DUSP15: variants seen among roughly 807,000 people sequenced by gnomAD.
DUSP15 encodes the protein dual specificity protein phosphatase 15.
In DUSP15, 23 loss-of-function variants were observed where a neutral mutation model predicts 26.3. The observed-to-expected ratio is 0.87, with a 90% CI of 0.63 to 1.24. DUSP15 has a LOEUF of 1.24. Ranked by LOEUF, DUSP15 falls within the 50% of genes most tolerant of loss-of-function variation. The probability of loss-of-function intolerance (pLI) is 0.00; values close to 1 mark genes in which losing one functional copy is unlikely to be tolerated. For missense variants in DUSP15, 364 were observed against 320.6 expected (o/e 1.14, Z -1.03); for synonymous variants, 143 against 135.5 (o/e 1.06, Z -0.39).
chr20:31,870,134 A>G lies in DUSP15; in HGVS notation c.21+183T>C. ...GAGAGGGCGGACACAGCGGGGACAG[A>G]GACGCAGGGTCAGAGAGGGGGAGAC... is the stretch of plus-strand genomic sequence containing the variant. On this transcript the variant is annotated intron_variant, in intron 1 of 6. Coordinates refer to ENST00000339738, the MANE Select transcript of DUSP15 (RefSeq NM_080611.5). The surrounding 1 kb of genome is among the most constrained non-coding windows in gnomAD (Gnocchi z 6.6). 1 of 1,236,088 alleles carries G rather than the reference A, an allele frequency of 8.1e-7. No homozygotes were observed. The highest frequency in any genetic ancestry group is 3.2e-5 in the East Asian group (1 of 31,230). The allele number at this position is 1,236,088 out of a possible 1,614,324, so 76.6% of individuals were successfully genotyped here.
At chr20:31,862,964 A>C (rs2062692677) in intron 5 of DUSP15, among the ~76,000 whole-genome samples, 2 of 152,142 alleles carry the variant, frequency 1.3e-5, no homozygotes, top group Non-Finnish European at 2.9e-5. Flanking sequence ...GTGAAACACC[A>C]TTCATTCAGT....
chr20:31,862,759 C>T lies in DUSP15; in HGVS notation c.264-17G>A, dbSNP rs199599957. 3 of 1,580,666 alleles carry T rather than the reference C, an allele frequency of 1.9e-6. No homozygotes were observed. The highest frequency in any genetic ancestry group is 2.7e-5 in the African/African-American group (2 of 74,570). On this transcript the variant is annotated splice_polypyrimidine_tract_variant and intron_variant, in intron 5 of 6. Coordinates refer to ENST00000339738, the MANE Select transcript of DUSP15 (RefSeq NM_080611.5). The stretch of plus-strand genomic sequence containing the variant: ...CCTGCAAAGCTGGGATCCCCAACAA[C>T]CCCTCAGGCTTCAAGTAAGATCCAA...
chr20:31,856,460 C>A (rs1163490722), downstream of DUSP15, among the ~76,000 whole-genome samples: 1 of 152,024 alleles, frequency 6.6e-6, no homozygotes, highest in Non-Finnish European at 1.5e-5. Flanking sequence ...ATGGGGGAAG[C>A]AGGAAGCCCA....
At chr20:31,870,599 G>A, upstream of DUSP15, 2 of 1,385,590 alleles carry the variant, frequency 1.4e-6, no homozygotes, top group South Asian at 3.3e-5. This position sits in a 1 kb window ranked among gnomAD's most constrained non-coding sequence, Gnocchi z 6.6. Context: ...TGGGGCCCCC[G>A]CCTCGGGTCG....
intron 6 of DUSP15, among the ~76,000 whole-genome samples, chr20:31,862,190 A>G (rs2062675822): frequency 6.6e-6 from 1 of 152,068 alleles, no homozygotes; most frequent in African/African-American, 2.4e-5. Flanking sequence ...CCCGAGAGGT[A>G]TAAGAGGGAA....
At chr20:31,852,013 T>C (rs1043562775) in intron 6 of DUSP15, among the ~76,000 whole-genome samples, 9 of 150,460 alleles carry the variant, frequency 6.0e-5, no homozygotes, top group African/African-American at 1.5e-4. Flanking sequence ...TCTTTCTTTT[T>C]TTTTTTTTTT....
Position 31,870,035 on chromosome 20 carries a change from G to A in DUSP15, c.21+282C>T. 2 of 1,304,438 alleles carry A rather than the reference G, an allele frequency of 1.5e-6. No homozygotes were observed. Among genetic ancestry groups the A allele is most frequent in the African/African-American group, 1.5e-5 (1 of 66,650 alleles). 80.8% of individuals were successfully genotyped at this position (1,304,438 alleles called of 1,614,324 possible). A position where few individuals can be genotyped will look rare whatever the true frequency, so the allele number is the denominator to read the frequency against. ...AGGGAGAGGGACACATGCAGACGGA[G>A]AGCAGGACTCACTGGGAGACAGCCT... On this transcript the variant is annotated intron_variant, in intron 1 of 6. Transcript: ENST00000339738. This position sits in a 1 kb window ranked among gnomAD's most constrained non-coding sequence, Gnocchi z 6.6.
At chr20:31,869,622 A>C (rs781764501) in intron 1 of DUSP15, 25 bp from the exon 2 acceptor site, 1 of 1,613,330 alleles carries the variant, frequency 6.2e-7, no homozygotes, top group South Asian at 1.1e-5. Context: ...GGCAAGGGTC[A>C]GTGGGGCAGG....
intron 6 of DUSP15, among the ~76,000 whole-genome samples, chr20:31,852,953 C>T (rs1271398182): frequency 6.6e-6 from 1 of 152,196 alleles, no homozygotes; most frequent in Non-Finnish European, 1.5e-5. Flanking sequence ...CAAATGCTTG[C>T]CCTTGTGCAC....
chr20:31,848,346 G>A, exon 10 of DUSP15: 1 of 1,543,904 alleles, frequency 6.5e-7, no homozygotes, highest in African/African-American at 1.4e-5. Flanking sequence ...CCAAGTCTAT[G>A]GGCTTAGTGT....
upstream of DUSP15, chr20:31,870,614 G>A (rs770845283): frequency 4.4e-6 from 6 of 1,372,650 alleles, no homozygotes; most frequent in Non-Finnish European, 5.6e-6. The surrounding 1 kb of genome is among the most constrained non-coding windows in gnomAD (Gnocchi z 6.6). Context: ...GGGTCGCGGC[G>A]GGGGGCCGGA....
In DUSP15 at chr20:31,861,430, C is replaced by G; in HGVS notation, c.681G>C (p.Arg227=). The change falls in exon 7 of 7, where the codon CGG becomes CGC. Residue 227 remains arginine (R), a synonymous_variant. Transcript: ENST00000339738. ...RVKQTFSCLP[R]CLSRKGGK is the part of the protein sequence containing the mutation. ...ACTTGCCGCCCTTGCGGGACAGACA[C>G]CGGGGGAGGCAAGAGAAAGTCTGCT... is the stretch of plus-strand genomic sequence containing the variant. 1 of 1,560,970 alleles carries G rather than the reference C, an allele frequency of 6.4e-7. No homozygotes were observed. Among genetic ancestry groups the G allele is most frequent in the South Asian group, 1.2e-5 (1 of 85,160 alleles).
chr20:31,845,786 G>C (rs1292822859), downstream of DUSP15, among the ~76,000 whole-genome samples: 1 of 152,252 alleles, frequency 6.6e-6, no homozygotes, highest in Non-Finnish European at 1.5e-5. Context: ...CCAGGGATGA[G>C]GAGTTGGGAA....
intron 2 of DUSP15, among the ~76,000 whole-genome samples, chr20:31,868,239 A>ATAAGGT (rs2062816524): frequency 3.3e-5 from 5 of 152,288 alleles, no homozygotes; most frequent in Middle Eastern, 3.4e-3. Context: ...GGGCCTGCAC[A>ATAAGGT]CTTACAGAGG....
downstream of DUSP15, among the ~76,000 whole-genome samples, chr20:31,847,468 A>T (rs2062388630): frequency 6.6e-6 from 1 of 152,220 alleles, no homozygotes. Context: ...CTGCTAAATG[A>T]CTAAACAAAC....
intron 3 of DUSP15, 127 bp downstream of exon 3, chr20:31,866,944 T>G: frequency 1.1e-6 from 1 of 922,328 alleles, no homozygotes; most frequent in Non-Finnish European, 1.6e-6. Flanking sequence ...AATGGCCCAG[T>G]GGTGGAGACC....
chr20:31,864,707 A>G (rs2062729949), intron 4 of DUSP15, among the ~76,000 whole-genome samples: 1 of 152,244 alleles, frequency 6.6e-6, no homozygotes, highest in Non-Finnish European at 1.5e-5. Context: ...AGCTGGTCCC[A>G]AGGTACAGAG....
chr20:31,864,521 C>G, intron 4 of DUSP15: 1 of 933,682 alleles, frequency 1.1e-6, no homozygotes, highest in Non-Finnish European at 1.3e-6. Context: ...ATCTGATCTT[C>G]GAAAGCCTCC....
chr20:31,848,279 A>C, exon 10 of DUSP15: 1 of 1,138,082 alleles, frequency 8.8e-7, no homozygotes, highest in Non-Finnish European at 1.2e-6. Flanking sequence ...AGAGGAGTGG[A>C]AGGCCGCGAT....
Sources: gnomAD v4.1 joint callset for allele counts (sites outside exome capture counted in the v4.1 genomes callset) on GRCh38, gnomAD v4.1.1 for gene constraint, Gnocchi (gnomAD v3.1) non-coding constraint, MANE v1.5 for transcripts, NCBI Gene and HGNC (gene_info 2026-07-23, HGNC 2026-07-21) for gene names.